The following RPL28 variants were observed in gnomAD, a reference collection of about 807,000 sequenced individuals.
The protein encoded by RPL28 is ribosomal protein L28.
A neutral mutation model predicts 12.5 loss-of-function variants in RPL28; 4 were observed. The ratio of observed to expected loss-of-function variants is 0.32; its 90% confidence interval spans 0.16 to 0.73. The LOEUF (loss-of-function observed/expected upper bound fraction) is 0.73. Among genes scored for constraint, RPL28 ranks in the 30% least tolerant of loss-of-function variants. The pLI is 0.66. For missense variants in RPL28, 214 were observed against 197.7 expected, an observed-to-expected ratio of 1.08 and a Z score of -0.49; for synonymous variants, 91 against 72.5, an observed-to-expected ratio of 1.26 and a Z score of -1.30.
downstream of RPL28, among the ~76,000 whole-genome samples, chr19:55,394,585 A>AT (rs892382980): frequency 1.3e-4 from 19 of 151,166 alleles, no homozygotes; most frequent in African/African-American, 4.6e-4. Flanking sequence ...ATTTATATAT[A>AT]TTTTTAAAAA....
In RPL28 at chr19:55,388,026, A is replaced by G. The variant is rs1365341987; in HGVS notation, c.302A>G (p.Lys101Arg). 1 of 1,613,642 alleles carries G rather than the reference A, an allele frequency of 6.2e-7. No individual in the cohort carries two copies. Among genetic ancestry groups the G allele is most frequent in the Non-Finnish European group, 8.5e-7 (1 of 1,179,888 alleles). Reference protein sequence around the residue: ...SSIRHMIRKNKYRPDLRMAAI... With the variant: ...SSIRHMIRKNRYRPDLRMAAI... ...ATCAGACACATGATCCGCAAGAACA[A>G]GTACCGCCCCGACCTGCGCATGGTG... is the stretch of plus-strand genomic sequence containing the variant. Residue 101 changes from lysine (K) to arginine (R), a missense_variant, in exon 4 of 5, where the codon AAG becomes AGG. Transcript: ENST00000344063.
chr19:55,391,626 T>G lies in RPL28; in HGVS notation c.*3294T>G, dbSNP rs1243997729. Reference sequence around the variant, plus strand: ...GCAACCTTGGGCAAGTTCCTCAACCTCTCTGTGTCTTCGTACCCTCATCTG... The same window carrying G: ...GCAACCTTGGGCAAGTTCCTCAACCGCTCTGTGTCTTCGTACCCTCATCTG... On this transcript the variant is annotated 3_prime_UTR_variant, in exon 5 of 5. Coordinates refer to ENST00000344063, the MANE Select transcript of RPL28 (RefSeq NM_000991.5). 2 of 1,546,100 alleles carry G rather than the reference T, an allele frequency of 1.3e-6. No homozygotes were observed. The highest frequency in any genetic ancestry group is 2.7e-5 in the African/African-American group (2 of 72,922).
chr19:55,396,345 C>A (rs1006036491), downstream of RPL28, among the ~76,000 whole-genome samples: 1 of 151,204 alleles, frequency 6.6e-6, no homozygotes, highest in Non-Finnish European at 1.5e-5. Flanking sequence ...TGTATTTATA[C>A]ACTTAAAAAA....
At chr19:55,399,248 CCT>C (rs1279942254) in intron 4 of RPL28, among the ~76,000 whole-genome samples, 1 of 152,110 alleles carries the variant, frequency 6.6e-6, no homozygotes, top group Non-Finnish European at 1.5e-5. Flanking sequence ...CTCACTGAAA[CCT>C]CTGTGTCCCA....
At chr19:55,394,508 G>C (rs1000673218), downstream of RPL28, among the ~76,000 whole-genome samples, 5 of 152,040 alleles carry the variant, frequency 3.3e-5, no homozygotes, top group African/African-American at 1.2e-4. Flanking sequence ...TGATCCTCCT[G>C]CCTTGGCCTC....
chr19:55,389,904 G>A lies in RPL28; in HGVS notation c.*1572G>A. The A allele has an allele frequency of 1.0e-6, 1 of 985,594 alleles. No individual in the cohort carries two copies. Among genetic ancestry groups the A allele is most frequent in the Non-Finnish European group, 1.2e-6 (1 of 830,100 alleles). 61.1% of individuals were successfully genotyped at this position (985,594 alleles called of 1,614,324 possible). On this transcript the variant is annotated 3_prime_UTR_variant, in exon 5 of 5. Transcript: ENST00000344063. Reference sequence around the variant, plus strand: ...TCGTACCTGCTCAGGAGCCCCCACTGTCCCAGTCCCACTCAGGCCCATCTC... The same window carrying A: ...TCGTACCTGCTCAGGAGCCCCCACTATCCCAGTCCCACTCAGGCCCATCTC...
rs2089994999 is a variant in RPL28, at chr19:55,392,063, G to A, written c.*3731G>A. Reference sequence around the variant, plus strand: ...CTGTTTCTCTTGTAGCCAGTTACTAGAATAAAATCATCTACTTTAAAATCT... The same window carrying A: ...CTGTTTCTCTTGTAGCCAGTTACTAAAATAAAATCATCTACTTTAAAATCT... On this transcript the variant is annotated 3_prime_UTR_variant, in exon 5 of 5. Coordinates refer to ENST00000344063, the MANE Select transcript of RPL28 (RefSeq NM_000991.5). 9 of 1,023,338 alleles carry A rather than the reference G, an allele frequency of 8.8e-6. No homozygotes were observed. The South Asian group carries it at 4.1e-4, about 47-fold the overall frequency. The allele number at this position is 1,023,338 out of a possible 1,614,324, so 63.4% of individuals were successfully genotyped here.
Position 55,391,671 on chromosome 19 carries a change from C to A in RPL28, c.*3339C>A. The A allele has an allele frequency of 6.5e-7, 1 of 1,544,778 alleles. No individual in the cohort carries two copies. The highest frequency in any genetic ancestry group is 8.8e-7 in the Non-Finnish European group (1 of 1,140,834). ...CATCTGTAACATGCGTGTCGATAGACCCTACTACTCAGGGTTGATGAGAAG... is the reference window on the plus strand; with the variant it reads ...CATCTGTAACATGCGTGTCGATAGAACCTACTACTCAGGGTTGATGAGAAG... On this transcript the variant is annotated 3_prime_UTR_variant, in exon 5 of 5. Coordinates refer to ENST00000344063, the MANE Select transcript of RPL28 (RefSeq NM_000991.5).
At position 55,387,954 on chromosome 19, in the gene RPL28, A is replaced by G. The variant is rs201654741; in HGVS notation, c.230A>G (p.Tyr77Cys). ...GGCCAGCGGAAGCCTGCCACCTCCT[A>G]TGTGCGGACCACCATCAACAAGAAT... ...RSGQRKPATS[Y>C]VRTTINKNAR... Residue 77 changes from tyrosine to cysteine, a missense_variant, in exon 4 of 5, where the codon TAT becomes TGT. Physicochemically the swap from Tyr to Cys is radical, Grantham distance 194 (BLOSUM62 -2). Transcript: ENST00000344063. 12 of 1,594,064 alleles carry G rather than the reference A, an allele frequency of 7.5e-6. No homozygotes were observed. The highest frequency in any genetic ancestry group is 5.7e-5 in the South Asian group (5 of 87,838).
chr19:55,386,241 A>G (rs1018160532), intron 1 of RPL28, 109 bp from the exon 2 acceptor site: 12 of 1,004,546 alleles, frequency 1.2e-5, no homozygotes, highest in Non-Finnish European at 1.8e-5. Flanking sequence ...TCTCCCATTC[A>G]CCCAAGTTCC....
chr19:55,391,819 G>T lies in RPL28; in HGVS notation c.*3487G>T. ...ATCACAGATGTCTTCACATGCCTAT[G>T]ACTAATTTGTACACAAACTAATGCT... On this transcript the variant is annotated 3_prime_UTR_variant, in exon 5 of 5. Coordinates refer to ENST00000344063, the MANE Select transcript of RPL28 (RefSeq NM_000991.5). 1 of 1,414,156 alleles carries T rather than the reference G, an allele frequency of 7.1e-7. No homozygotes were observed. Among genetic ancestry groups the T allele is most frequent in the South Asian group, 1.6e-5 (1 of 63,826 alleles). The allele number at this position is 1,414,156 out of a possible 1,614,324, so 87.6% of individuals were successfully genotyped here.
In RPL28 at chr19:55,387,648, C is replaced by G. The variant is rs779718364; in HGVS notation, c.206-282C>G. 528 of 1,389,748 alleles carry G rather than the reference C, an allele frequency of 3.8e-4. 7 individuals carry two copies. Among genetic ancestry groups the G allele is most frequent in the Non-Finnish European group, 8.0e-5 (86 of 1,077,352 alleles). 86.1% of individuals were successfully genotyped at this position (1,389,748 alleles called of 1,614,324 possible). On this transcript the variant is annotated intron_variant, in intron 3 of 4. Coordinates refer to ENST00000344063, the MANE Select transcript of RPL28 (RefSeq NM_000991.5). ...GCTCTGGCTGGACCTGGATCAGATC[C>G]TAACTGAAGCGGCAGCTTTCTGGCA...
intron 4 of RPL28, among the ~76,000 whole-genome samples, chr19:55,399,026 C>T (rs2079428443): frequency 6.6e-6 from 1 of 151,872 alleles, no homozygotes; most frequent in Non-Finnish European, 1.5e-5. Flanking sequence ...CTCCCTCTCT[C>T]ACCCAGGCTG....
chr19:55,386,487 C>G, intron 2 of RPL28, 49 bp downstream of exon 2: 1 of 1,606,692 alleles, frequency 6.2e-7, no homozygotes, highest in Non-Finnish European at 8.5e-7. Context: ...GGTCCTGAGT[C>G]TCTTGACTCT....
chr19:55,387,545 A>G, intron 3 of RPL28: 1 of 1,430,658 alleles, frequency 7.0e-7, no homozygotes, highest in Non-Finnish European at 9.1e-7. Flanking sequence ...CTCTCAGCCA[A>G]GCTGATGTTG....
chr19:55,392,792 G>A (rs1356593253), downstream of RPL28, among the ~76,000 whole-genome samples: 3 of 152,038 alleles, frequency 2.0e-5, no homozygotes, highest in South Asian at 2.1e-4. Flanking sequence ...GTCCCCCAAA[G>A]TGCTGGGATT....
At chr19:55,394,587 T>A (rs1019694409), downstream of RPL28, among the ~76,000 whole-genome samples, 2 of 149,950 alleles carry the variant, frequency 1.3e-5, no homozygotes, top group South Asian at 2.1e-4. Context: ...TTATATATAT[T>A]TTTAAAAAGA....
downstream of RPL28, among the ~76,000 whole-genome samples, chr19:55,393,259 C>T (rs1307887003): frequency 7.8e-6 from 1 of 128,094 alleles, no homozygotes; most frequent in East Asian, 2.4e-4. Context: ...CCCCCCCCCC[C>T]GACCCCCATG....
downstream of RPL28, among the ~76,000 whole-genome samples, chr19:55,392,482 C>T (rs948912052): frequency 6.6e-6 from 1 of 151,952 alleles, no homozygotes; most frequent in Non-Finnish European, 1.5e-5. Flanking sequence ...ATCCTCCTGA[C>T]TTCGTCCCCC....
Sources: gnomAD v4.1 joint callset for allele counts (sites outside exome capture counted in the v4.1 genomes callset) on GRCh38, gnomAD v4.1.1 for gene constraint, MANE v1.5 for transcripts, NCBI Gene and HGNC (gene_info 2026-07-23, HGNC 2026-07-21) for gene names.